Variants in TRIM41 observed in about 807,000 individuals in gnomAD.
TRIM41 encodes the protein tripartite motif containing 41.
TRIM41 carries 21 observed loss-of-function variants against 60.6 expected under a neutral mutation model. The ratio of observed to expected loss-of-function variants is 0.35; its 90% CI spans 0.25 to 0.50. The LOEUF is 0.50. TRIM41 is among the 20% of genes least tolerant of loss of function. TRIM41 has a pLI of 0.98. For synonymous variants in TRIM41, 407 were observed against 344.9 expected (o/e 1.18, Z -2.00); for missense variants, 846 against 868.3 (o/e 0.97, Z 0.32).
chr5:181,233,460 G>C lies in TRIM41; in HGVS notation c.1163+25G>C, dbSNP rs779906547. ...GGTGTGTTCCCAGTCTTTGCCCTTC[G>C]TGACCCAGTGGCATCTGGTTCCCTG... On this transcript the variant is annotated intron_variant, in intron 4 of 5. Coordinates refer to ENST00000315073, the MANE Select transcript of TRIM41 (RefSeq NM_033549.5). The surrounding 1 kb of genome is among the most constrained non-coding windows in gnomAD (Gnocchi z 4.1). 1.9e-6 allele frequency: 3 copies of C among 1,613,890 alleles called. No individual in the cohort carries two copies. The highest frequency in any genetic ancestry group is 1.1e-5 in the South Asian group (1 of 91,054).
chr5:181,235,090 A>G lies in TRIM41; in HGVS notation c.*315A>G. 1 of 1,607,280 alleles carries G rather than the reference A, an allele frequency of 6.2e-7. No individual in the cohort carries two copies. Among genetic ancestry groups the G allele is most frequent in the South Asian group, 1.1e-5 (1 of 90,728 alleles). ...GGGACTGGAATTTGAGTAGGGGATGAGGGGAAATTGTAATTTCATTCCTTA... is the reference window on the plus strand; with the variant it reads ...GGGACTGGAATTTGAGTAGGGGATGGGGGGAAATTGTAATTTCATTCCTTA... On this transcript the variant is annotated 3_prime_UTR_variant, in exon 6 of 6. Coordinates refer to ENST00000315073, the MANE Select transcript of TRIM41 (RefSeq NM_033549.5).
In TRIM41 at chr5:181,234,237, G is replaced by A. The variant is rs1418103586; in HGVS notation, c.1355G>A (p.Gly452Glu). 3.1e-6 allele frequency: 5 copies of A among 1,613,270 alleles called. No homozygotes were observed. Among genetic ancestry groups the A allele is most frequent in the Non-Finnish European group, 4.2e-6 (5 of 1,179,980 alleles). ...CTGATGCTGTCCCCTGACCGCCGGG[G>A]GGTCCGCCTGGCAGAGCGGCGGCAG... ...PALMLSPDRR[G>E]VRLAERRQEV... The change falls in exon 6 of 6, where the codon GGG becomes GAG. Residue 452 changes from glycine to glutamate, a missense_variant. Gly to Glu is a moderately conservative substitution (Grantham distance 98). Coordinates refer to ENST00000315073, the MANE Select transcript of TRIM41 (RefSeq NM_033549.5). The surrounding 1 kb of genome is among the most constrained non-coding windows in gnomAD (Gnocchi z 5.6).
rs1461632679 is a variant in TRIM41 at position 181,233,090 on chromosome 5, A to G, written c.1140+201A>G. On this transcript the variant is annotated intron_variant, in intron 3 of 5. Coordinates refer to ENST00000315073, the MANE Select transcript of TRIM41 (RefSeq NM_033549.5). The surrounding 1 kb of genome is among the most constrained non-coding windows in gnomAD (Gnocchi z 4.1). ...TGTGTGGCGATTATACCCAGTGAAA[A>G]GCATGAAGATTCGGTTGTAGGAGAG... The G allele has an allele frequency of 1.4e-6, 1 of 730,402 alleles. No homozygotes were observed. Among genetic ancestry groups the G allele is most frequent in the East Asian group, 2.7e-5 (1 of 37,416 alleles). 45.2% of individuals were successfully genotyped at this position (730,402 alleles called of 1,614,324 possible). A position where few individuals can be genotyped will look rare whatever the true frequency, so the allele number is the denominator to read the frequency against.
intron 2 of TRIM41, chr5:181,232,197 C>T (rs1758832570): frequency 6.2e-6 from 1 of 162,354 alleles, no homozygotes; most frequent in African/African-American, 2.4e-5. Context: ...TCCGAGGACC[C>T]TGGCAAACAA....
chr5:181,224,445 A>T lies in TRIM41; in HGVS notation c.446A>T (p.Asp149Val). 2 of 1,613,486 alleles carry T rather than the reference A, an allele frequency of 1.2e-6. No individual in the cohort carries two copies. The highest frequency in any genetic ancestry group is 8.5e-7 in the Non-Finnish European group (1 of 1,179,636). Residue 149 changes from aspartate to valine, a missense_variant, in exon 1 of 6, where the codon GAT becomes GTT. By Grantham distance (152) the Asp-to-Val change is radical. Transcript: ENST00000315073. The stretch of plus-strand genomic sequence containing the variant: ...GAGGAGGAGGACCTGAGGGGGGAGG[A>T]TGAGGAGGACGAGGAGGAAGTGCTG... ...DMEEEDLRGE[D>V]EEDEEEVLEE...
chr5:181,223,387 G>T lies in TRIM41; in HGVS notation c.-613G>T, dbSNP rs563620852. The T allele has an allele frequency of 2.5e-6, 1 of 400,010 alleles. No individual in the cohort carries two copies. The highest frequency in any genetic ancestry group is 4.4e-5 in the Admixed American group (1 of 22,912). 24.8% of individuals were successfully genotyped at this position (400,010 alleles called of 1,614,324 possible). The stretch of plus-strand genomic sequence containing the variant: ...TAGCACCGAAAGCAGACGGCCGCCA[G>T]GCGCTCCCCCTACCCCCCGAAGTTT... On this transcript the variant is annotated 5_prime_UTR_variant, in exon 1 of 6. It adds an upstream start codon to the 5' untranslated region. Coordinates refer to ENST00000315073, the MANE Select transcript of TRIM41 (RefSeq NM_033549.5).
chr5:181,234,808 G>A lies in TRIM41; in HGVS notation c.*33G>A. 1.2e-6 allele frequency: 2 copies of A among 1,606,298 alleles called. No homozygotes were observed. The highest frequency in any genetic ancestry group is 1.7e-6 in the Non-Finnish European group (2 of 1,175,886). On this transcript the variant is annotated 3_prime_UTR_variant, in exon 6 of 6. Coordinates refer to ENST00000315073, the MANE Select transcript of TRIM41 (RefSeq NM_033549.5). The surrounding 1 kb of genome is among the most constrained non-coding windows in gnomAD (Gnocchi z 5.6). The stretch of plus-strand genomic sequence containing the variant: ...GCCACCCGCAGGGGCCCCTCTGTCA[G>A]CACTTGGGGGGTGGGTGGTGGAGGG...
At position 181,233,231 on chromosome 5, in the gene TRIM41, G is replaced by T. The variant is rs1251585244; in HGVS notation, c.1141-182G>T. On this transcript the variant is annotated intron_variant, in intron 3 of 5. Transcript: ENST00000315073. The surrounding 1 kb of genome is among the most constrained non-coding windows in gnomAD (Gnocchi z 4.1). ...CTCACAGCAGGATGAGGCGAGTTAG[G>T]TATGGCGAGGCATGGGGTGGTTGAA... The T allele has an allele frequency of 1.3e-6, 1 of 763,352 alleles. No homozygotes were observed. The allele number at this position is 763,352 out of a possible 1,614,324, so 47.3% of individuals were successfully genotyped here.
rs1438006821 is a variant in TRIM41 at position 181,234,279 on chromosome 5, C to T, written c.1397C>T (p.Pro466Leu). The T allele has an allele frequency of 7.4e-6, 12 of 1,612,938 alleles. No individual in the cohort carries two copies. Among genetic ancestry groups the T allele is most frequent in the Non-Finnish European group, 1.0e-5 (12 of 1,179,876 alleles). The change falls in exon 6 of 6, where the codon CCC (proline) becomes CTC (leucine). Residue 466 changes from proline to leucine, a missense_variant. Coordinates refer to ENST00000315073, the MANE Select transcript of TRIM41 (RefSeq NM_033549.5). This position sits in a 1 kb window ranked among gnomAD's most constrained non-coding sequence, Gnocchi z 5.6. ...CGGCGGCAGGAGGTTGCTGACCATC[C>T]CAAGCGCTTCTCGGCCGACTGCTGC... ...AERRQEVADH[P>L]KRFSADCCVL...
At position 181,235,508 on chromosome 5, in the gene TRIM41, C is replaced by A; in HGVS notation, c.*733C>A. 1 of 1,402,304 alleles carries A rather than the reference C, an allele frequency of 7.1e-7. No individual in the cohort carries two copies. The highest frequency in any genetic ancestry group is 9.8e-7 in the Non-Finnish European group (1 of 1,019,496). The allele number at this position is 1,402,304 out of a possible 1,614,324, so 86.9% of individuals were successfully genotyped here. On this transcript the variant is annotated 3_prime_UTR_variant, in exon 6 of 6. Coordinates refer to ENST00000315073, the MANE Select transcript of TRIM41 (RefSeq NM_033549.5). ...CACTCAACCAAGGAGCAAAGCTCAT[C>A]CCACCCCACACCCCTCCCAGGTCTG...
In TRIM41 at chr5:181,235,160, T is replaced by C. The variant is rs1445975801; in HGVS notation, c.*385T>C. 2 of 1,540,864 alleles carry C rather than the reference T, an allele frequency of 1.3e-6. No homozygotes were observed. Among genetic ancestry groups the C allele is most frequent in the African/African-American group, 2.7e-5 (2 of 73,452 alleles). On this transcript the variant is annotated 3_prime_UTR_variant, in exon 6 of 6. Transcript: ENST00000315073. Reference sequence around the variant, plus strand: ...TGCTCTTCAACCTCTTTATCAGTTCTGAGGCTGGAGGGTTTGGGCAAGGCA... The same window carrying C: ...TGCTCTTCAACCTCTTTATCAGTTCCGAGGCTGGAGGGTTTGGGCAAGGCA...
intron 1 of TRIM41, 49 bp from the exon 2 acceptor site, chr5:181,230,695 A>G: frequency 6.7e-7 from 1 of 1,502,148 alleles, no homozygotes; most frequent in Middle Eastern, 2.0e-4. Flanking sequence ...TAGGCTCTGA[A>G]GGGCAGGTGC....
In TRIM41 at chr5:181,235,261, G is replaced by A; in HGVS notation, c.*486G>A. On this transcript the variant is annotated 3_prime_UTR_variant, in exon 6 of 6. Transcript: ENST00000315073. ...TGGAAGCCATTTGGGGAGGCAGGCT[G>A]GGCCAAAGGGTAGAGCTGGGTAATA... 1 of 1,607,182 alleles carries A rather than the reference G, an allele frequency of 6.2e-7. No individual in the cohort carries two copies. The highest frequency in any genetic ancestry group is 8.5e-7 in the Non-Finnish European group (1 of 1,175,356).
At position 181,235,192 on chromosome 5, in the gene TRIM41, C is replaced by A. The variant is rs1234343035; in HGVS notation, c.*417C>A. On this transcript the variant is annotated 3_prime_UTR_variant, in exon 6 of 6. Transcript: ENST00000315073. ...GGAGGGTTTGGGCAAGGCAACATCC[C>A]CATTCCAATTCCATTTTCTGATGCA... The A allele has an allele frequency of 5.8e-6, 9 of 1,543,150 alleles. No homozygotes were observed. Among genetic ancestry groups the A allele is most frequent in the African/African-American group, 2.7e-5 (2 of 73,492 alleles).
At chr5:181,229,123 T>G (rs563631468) in intron 1 of TRIM41, 1 of 152,264 alleles carries the variant, frequency 6.6e-6, no homozygotes, top group South Asian at 2.1e-4. Flanking sequence ...CAACCACTTA[T>G]CCTGTGCAGC....
rs747891849 is a variant in TRIM41 at position 181,232,777 on chromosome 5, T to C, written c.1028T>C (p.Leu343Pro). The stretch of plus-strand genomic sequence containing the variant: ...CTCAGAGAGATGCATGAAGCCCAGC[T>C]GGGGCGTGCGGGAGCCGCGGCTAGT... ...RRLREMHEAQLGRAGAAASRL... is the reference protein window; with the variant it reads ...RRLREMHEAQPGRAGAAASRL... Residue 343 changes from leucine to proline, a missense_variant, in exon 3 of 6, where the codon CTG (leucine) becomes CCG (proline). Leu to Pro is a moderately conservative substitution (Grantham distance 98). Transcript: ENST00000315073. The C allele has an allele frequency of 6.2e-7, 1 of 1,612,404 alleles. No homozygotes were observed.
Position 181,233,890 on chromosome 5 carries a change from C to G in TRIM41, c.1291+127C>G. ...ATGGAGCAGGATCCAGGCAGCCACT[C>G]TGAGGTTGAGGTTTCAAGCCATGAG... On this transcript the variant is annotated intron_variant, in intron 5 of 5. Coordinates refer to ENST00000315073, the MANE Select transcript of TRIM41 (RefSeq NM_033549.5). This position sits in a 1 kb window ranked among gnomAD's most constrained non-coding sequence, Gnocchi z 4.1. 1.4e-6 allele frequency: 2 copies of G among 1,468,498 alleles called. No homozygotes were observed. Among genetic ancestry groups the G allele is most frequent in the Non-Finnish European group, 1.9e-6 (2 of 1,071,658 alleles). 91.0% of individuals were successfully genotyped at this position (1,468,498 alleles called of 1,614,324 possible). A position where few individuals can be genotyped will look rare whatever the true frequency, so the allele number is the denominator to read the frequency against.
rs1758400445 is a variant in TRIM41 at position 181,223,768 on chromosome 5, G to A, written c.-232G>A. ...GTACTCAGAGCCACCTGAGGGACTT[G>A]GCGGTGGCGCCCAGCACTGTCCCCT... On this transcript the variant is annotated 5_prime_UTR_variant, in exon 1 of 6. Transcript: ENST00000315073. 4 of 600,774 alleles carry A rather than the reference G, an allele frequency of 6.7e-6. No individual in the cohort carries two copies. Among genetic ancestry groups the A allele is most frequent in the Non-Finnish European group, 1.2e-5 (4 of 338,604 alleles). 37.2% of individuals were successfully genotyped at this position (600,774 alleles called of 1,614,324 possible). A position where few individuals can be genotyped will look rare whatever the true frequency, so the allele number is the denominator to read the frequency against.
chr5:181,225,148 A>T, intron 1 of TRIM41: 1 of 357,762 alleles, frequency 2.8e-6, no homozygotes. Context: ...AGACACCTAG[A>T]GATGGAAAGA....
Sources: gnomAD v4.1 joint callset for allele counts on GRCh38, gnomAD v4.1.1 for gene constraint, Gnocchi (gnomAD v3.1) non-coding constraint, MANE v1.5 for transcripts, NCBI Gene and HGNC (gene_info 2026-07-23, HGNC 2026-07-21) for gene names.